BBS9: variants seen among roughly 807,000 people sequenced by gnomAD.
The protein encoded by BBS9 is Bardet-Biedl syndrome 9, also known as protein PTHB1.
Under a neutral mutation model 117.7 loss-of-function variants are expected in BBS9, and 89 were observed. The ratio of observed to expected loss-of-function variants is 0.76; its 90% CI spans 0.64 to 0.90. The LOEUF (loss-of-function observed/expected upper bound fraction) is 0.90. BBS9 is among the 40% of genes least tolerant of loss of function. The pLI, the probability that BBS9 is intolerant of heterozygous loss-of-function variation, is 0.00. For synonymous variants in BBS9, 379 were observed against 370.9 expected (o/e 1.02, Z -0.25); for missense variants, 982 against 1,042.2 (o/e 0.94, Z 0.80).
intron 19 of BBS9, among the ~76,000 whole-genome samples, chr7:33,398,626 G>A (rs553575269): frequency 3.3e-4 from 50 of 152,302 alleles, no homozygotes; most frequent in Middle Eastern, 6.8e-3. Flanking sequence ...CTGTCTGACA[G>A]AAATTTGTTC....
chr7:33,632,464 C>T (rs3823762), intron 21 of BBS9, among the ~76,000 whole-genome samples: 41,910 of 152,174 alleles, frequency 0.28, 6,541 homozygotes, highest in East Asian at 0.43. Flanking sequence ...GCCTCTGTCC[C>T]CTCCAGCCGC....
At chr7:33,259,822 T>C (rs1797665958) in intron 6 of BBS9, among the ~76,000 whole-genome samples, 1 of 152,064 alleles carries the variant, frequency 6.6e-6, no homozygotes, top group Non-Finnish European at 1.5e-5. Context: ...CCCTTAATAC[T>C]TTCTCTTATT....
chr7:33,580,490 T>A (rs73111745), intron 21 of BBS9, among the ~76,000 whole-genome samples: 11,714 of 142,018 alleles, frequency 0.082, 528 homozygotes, highest in African/African-American at 0.11. Context: ...AGATTGCTTA[T>A]TTGTATGCAA....
chr7:33,632,277 C>T (rs1865925935), intron 21 of BBS9, among the ~76,000 whole-genome samples: 3 of 152,218 alleles, frequency 2.0e-5, no homozygotes, highest in Admixed American at 6.5e-5. Context: ...GCAGCAGCAG[C>T]GCCCCCTGAG....
chr7:33,551,501 T>C (rs1355876294), intron 21 of BBS9, among the ~76,000 whole-genome samples: 1 of 152,152 alleles, frequency 6.6e-6, no homozygotes, highest in African/African-American at 2.4e-5. Flanking sequence ...GGAAAATCAC[T>C]TAGCTGTGGA....
At chr7:33,585,091 CTT>C in intron 21 of BBS9, among the ~76,000 whole-genome samples, 1 of 152,104 alleles carries the variant, frequency 6.6e-6, no homozygotes, top group East Asian at 1.9e-4. Flanking sequence ...TAATGAGCCA[CTT>C]TCTCTCCTTT....
intron 19 of BBS9, among the ~76,000 whole-genome samples, chr7:33,468,457 A>G (rs138808680): frequency 1.3e-5 from 2 of 152,322 alleles, no homozygotes; most frequent in Admixed American, 6.5e-5. Flanking sequence ...CATGTATACA[A>G]TGTATTAATG....
At chr7:33,587,301 CT>C (rs1861070761) in intron 21 of BBS9, among the ~76,000 whole-genome samples, 1 of 152,064 alleles carries the variant, frequency 6.6e-6, no homozygotes, top group South Asian at 2.1e-4. Flanking sequence ...CTCTCCCTTC[CT>C]TTTCTTTGTT....
chr7:33,285,905 C>A (rs1342606122), intron 9 of BBS9, among the ~76,000 whole-genome samples: 2 of 151,822 alleles, frequency 1.3e-5, no homozygotes, highest in African/African-American at 4.8e-5. Context: ...TTTTCATGAT[C>A]ATTTTATTTT....
intron 19 of BBS9, among the ~76,000 whole-genome samples, chr7:33,469,771 C>T (rs1840712104): frequency 6.6e-6 from 1 of 152,084 alleles, no homozygotes; most frequent in East Asian, 1.9e-4. Context: ...AAGAAAGCTG[C>T]CTGGCCCTTT....
At chr7:33,518,645 G>A (rs1848171682) in intron 20 of BBS9, among the ~76,000 whole-genome samples, 2 of 152,246 alleles carry the variant, frequency 1.3e-5, no homozygotes, top group South Asian at 4.1e-4. Flanking sequence ...ATAGTATTTA[G>A]TGTGTCTTGT....
intron 3 of BBS9, among the ~76,000 whole-genome samples, chr7:33,154,954 C>T (rs1165616737): frequency 6.6e-6 from 1 of 152,206 alleles, no homozygotes; most frequent in Non-Finnish European, 1.5e-5. Flanking sequence ...CAGCCATTTA[C>T]ACTCTTTACT....
At chr7:33,195,619 G>C (rs1784812896) in intron 5 of BBS9, among the ~76,000 whole-genome samples, 1 of 152,092 alleles carries the variant, frequency 6.6e-6, no homozygotes, top group African/African-American at 2.4e-5. Context: ...GTGGTATTCA[G>C]AACTATCGAG....
At chr7:33,261,594 C>T (rs1797992713) in intron 6 of BBS9, among the ~76,000 whole-genome samples, 1 of 152,168 alleles carries the variant, frequency 6.6e-6, no homozygotes, top group South Asian at 2.1e-4. Flanking sequence ...ACTGAGGTGA[C>T]AGTTCTGTTT....
chr7:33,447,532 A>G (rs1046899418), intron 19 of BBS9, among the ~76,000 whole-genome samples: 2 of 152,226 alleles, frequency 1.3e-5, no homozygotes, highest in African/African-American at 4.8e-5. Context: ...GATCTGATTT[A>G]ATGCTTGTTA....
At chr7:33,599,658 C>T (rs981914368) in intron 21 of BBS9, among the ~76,000 whole-genome samples, 1 of 152,094 alleles carries the variant, frequency 6.6e-6, no homozygotes, top group African/African-American at 2.4e-5. Context: ...ATGGTTGGTT[C>T]TATGCTGATT....
At chr7:33,521,882 G>T in intron 20 of BBS9, among the ~76,000 whole-genome samples, 1 of 144,984 alleles carries the variant, frequency 6.9e-6, no homozygotes, top group Non-Finnish European at 1.5e-5. Flanking sequence ...ATCTCCCAAT[G>T]CTATCCCTCC....
intron 19 of BBS9, among the ~76,000 whole-genome samples, chr7:33,456,773 T>C (rs994619005): frequency 6.6e-6 from 1 of 152,210 alleles, no homozygotes; most frequent in African/African-American, 2.4e-5. Flanking sequence ...GAGTGTCAGA[T>C]GGAACTTTGA....
At chr7:33,140,502 G>A (rs1368663744) in intron 1 of BBS9, among the ~76,000 whole-genome samples, 1 of 152,104 alleles carries the variant, frequency 6.6e-6, no homozygotes, top group East Asian at 1.9e-4. Flanking sequence ...AGTCCTCCTA[G>A]GGAATCATTG....
Sources: allele counts gnomAD v4.1 joint callset (sites outside exome capture counted in the v4.1 genomes callset), GRCh38; gene constraint gnomAD v4.1.1; transcripts MANE v1.5; gene names NCBI Gene and HGNC (gene_info 2026-07-23, HGNC 2026-07-21).